The following MYH13 variants were observed in gnomAD, a reference collection of about 807,000 sequenced individuals.
The protein encoded by MYH13 is myosin-13.
In MYH13, 177 loss-of-function variants were observed where a neutral mutation model predicts 232.1. That is an observed-to-expected ratio of 0.76 (90% CI 0.67 to 0.86). The LOEUF is 0.86. MYH13 is among the 40% of genes least tolerant of loss of function. The probability of loss-of-function intolerance (pLI) is 0.00; values close to 1 mark genes in which losing one functional copy is unlikely to be tolerated. For synonymous variants in MYH13, 884 were observed against 923.5 expected (o/e 0.96, Z 0.78); for missense variants, 2,246 against 2,405.9 (o/e 0.93, Z 1.39).
chr17:10,332,540 G>A (rs935903056), intron 19 of MYH13, among the ~76,000 whole-genome samples: 1 of 152,196 alleles, frequency 6.6e-6, no homozygotes, highest in African/African-American at 2.4e-5. Context: ...GTGACCTGTA[G>A]GCCGTGGTTC....
At chr17:10,326,051 G>T (rs1907188239) in intron 22 of MYH13, among the ~76,000 whole-genome samples, 1 of 152,214 alleles carries the variant, frequency 6.6e-6, no homozygotes, top group Non-Finnish European at 1.5e-5. Flanking sequence ...GCTAATGTTT[G>T]CTGAACATCT....
chr17:10,351,402 T>C, intron 11 of MYH13, among the ~76,000 whole-genome samples: 1 of 151,984 alleles, frequency 6.6e-6, no homozygotes, highest in Non-Finnish European at 1.5e-5. Flanking sequence ...ATCCAGGAGT[T>C]CCAGCATTGT....
At chr17:10,303,897 T>C (rs1393476961) in intron 37 of MYH13, among the ~76,000 whole-genome samples, 1 of 151,930 alleles carries the variant, frequency 6.6e-6, no homozygotes, top group Admixed American at 6.6e-5. Flanking sequence ...ATAGACTGGA[T>C]AAAGAAAATA....
chr17:10,358,501 C>T (rs765715971), intron 7 of MYH13, among the ~76,000 whole-genome samples: 3 of 151,960 alleles, frequency 2.0e-5, no homozygotes, highest in Non-Finnish European at 2.9e-5. Context: ...AGTTCACACT[C>T]GTAATTAGCA....
chr17:10,301,607 T>G lies in MYH13; in HGVS notation c.5764A>C (p.Asn1922His), dbSNP rs750459423. The change falls in exon 40 of 41, where the codon AAC becomes CAC. Residue 1922 changes from asparagine (N) to histidine (H), a missense_variant. Coordinates refer to ENST00000252172, the MANE Select transcript of MYH13 (RefSeq NM_003802.3). ...TCTCGGCTCTTGGCCCTCAGCTTGT[T>G]GACCTGGGACTCAGCGATGTCCGCC... ...ERADIAESQVNKLRAKSRDVG... is the reference protein window; with the variant it reads ...ERADIAESQVHKLRAKSRDVG... The G allele has an allele frequency of 6.2e-7, 1 of 1,614,240 alleles. No individual in the cohort carries two copies. Among genetic ancestry groups the G allele is most frequent in the East Asian group, 2.2e-5 (1 of 44,878 alleles).
At chr17:10,309,097 A>G (rs781213178) in intron 35 of MYH13, 137 bp downstream of exon 35, 2 of 815,106 alleles carry the variant, frequency 2.5e-6, no homozygotes, top group Non-Finnish European at 3.7e-6. Context: ...TGTCTTGACC[A>G]CTAGTCTGGG....
Position 10,354,883 on chromosome 17 carries a change from C to G in MYH13, c.901+12G>C, listed in dbSNP as rs763096241. The G allele has an allele frequency of 7.5e-6, 12 of 1,593,848 alleles. No homozygotes were observed. The highest frequency in any genetic ancestry group is 1.0e-5 in the Non-Finnish European group (12 of 1,161,986). On this transcript the variant is annotated intron_variant, in intron 10 of 40. Coordinates refer to ENST00000252172, the MANE Select transcript of MYH13 (RefSeq NM_003802.3). The stretch of plus-strand genomic sequence containing the variant: ...CGATTTGGAACATAAGAAAGGTATT[C>G]CAAGAGCTTACCAATTAGTTCTGGC...
At chr17:10,313,394 C>A in intron 29 of MYH13, 40 bp from the exon 30 acceptor site, 3 of 1,613,552 alleles carry the variant, frequency 1.9e-6, no homozygotes, top group Non-Finnish European at 2.5e-6. Flanking sequence ...AAACATTTGA[C>A]CCTTTTCCAA....
intron 2 of MYH13, among the ~76,000 whole-genome samples, chr17:10,370,199 G>A (rs909828620): frequency 6.6e-6 from 1 of 152,218 alleles, no homozygotes; most frequent in Non-Finnish European, 1.5e-5. Flanking sequence ...TGGCAGCCAC[G>A]TCTCACACTG....
chr17:10,347,168 G>A (rs994891406), intron 12 of MYH13, among the ~76,000 whole-genome samples: 4 of 152,152 alleles, frequency 2.6e-5, no homozygotes, highest in Admixed American at 2.0e-4. Context: ...TCAGGAGTTC[G>A]AGATCAGCCT....
chr17:10,328,621 C>T (rs1474842302), intron 21 of MYH13, among the ~76,000 whole-genome samples: 1 of 151,958 alleles, frequency 6.6e-6, no homozygotes, highest in Admixed American at 6.6e-5. Flanking sequence ...TGGTCATTTC[C>T]CAGTCTCTTG....
chr17:10,312,536 T>C, intron 31 of MYH13, 38 bp downstream of exon 31: 1 of 1,584,534 alleles, frequency 6.3e-7, no homozygotes, highest in Middle Eastern at 1.7e-4. Flanking sequence ...TGAATTATCC[T>C]CATGCCATCT....
At chr17:10,367,911 C>G (rs1429696729) in intron 2 of MYH13, among the ~76,000 whole-genome samples, 1 of 152,186 alleles carries the variant, frequency 6.6e-6, no homozygotes, top group Non-Finnish European at 1.5e-5. Flanking sequence ...AGATACTCTA[C>G]CAAAACTTGA....
intron 18 of MYH13, among the ~76,000 whole-genome samples, chr17:10,338,756 A>G (rs2071596873): frequency 6.7e-6 from 1 of 148,622 alleles, no homozygotes. Context: ...GCTGGAATGC[A>G]GTGGCACGAT....
At chr17:10,301,769 C>T in intron 39 of MYH13, 66 bp from the exon 40 acceptor site, 1 of 1,569,414 alleles carries the variant, frequency 6.4e-7, no homozygotes, top group Non-Finnish European at 8.6e-7. Context: ...GGTGCCCTGT[C>T]TCTGAAGGCC....
intron 1 of MYH13, among the ~76,000 whole-genome samples, chr17:10,371,607 T>TATTTGAA (rs2071878125): frequency 1.3e-5 from 2 of 152,128 alleles, no homozygotes; most frequent in Admixed American, 6.5e-5. Flanking sequence ...CTCAAGTAAG[T>TATTTGAA]CTTTGAACAG....
intron 13 of MYH13, 68 bp downstream of exon 13, chr17:10,346,612 G>A: frequency 8.1e-7 from 1 of 1,232,664 alleles, no homozygotes; most frequent in South Asian, 1.3e-5. Context: ...TGCAACTGAA[G>A]GAGCTTTAAG....
intron 22 of MYH13, 53 bp downstream of exon 22, chr17:10,327,813 C>T (rs1280809429): frequency 4.4e-6 from 7 of 1,582,446 alleles, no homozygotes; most frequent in African/African-American, 1.4e-5. Context: ...GTTCCTCCCC[C>T]TTTTCTGTCC....
In MYH13 at chr17:10,306,372, T is replaced by C. The variant is rs191215436; in HGVS notation, c.5466+87A>G. On this transcript the variant is annotated intron_variant, in intron 37 of 40. Transcript: ENST00000252172. The surrounding 1 kb of genome is among the most constrained non-coding windows in gnomAD (Gnocchi z 4.3). ...CTGAATTTGCAATCTATTCATTCAG[T>C]GGCCTTTTCCCACCATCTCAGTTTC... The C allele has an allele frequency of 2.0e-5, 32 of 1,564,996 alleles. No individual in the cohort carries two copies. In the East Asian group the frequency reaches 5.8e-4, roughly 29 times the overall value.
Sources: allele counts gnomAD v4.1 joint callset (sites outside exome capture counted in the v4.1 genomes callset), GRCh38; gene constraint gnomAD v4.1.1; non-coding constraint Gnocchi (gnomAD v3.1); transcripts MANE v1.5; gene names NCBI Gene and HGNC (gene_info 2026-07-23, HGNC 2026-07-21).